Variants in WNT10A observed in about 807,000 individuals in gnomAD.
WNT10A encodes protein Wnt-10a.
WNT10A carries 37 observed loss-of-function variants against 36.1 expected under a neutral mutation model. That is an observed-to-expected ratio of 1.02 (90% confidence interval 0.79 to 1.35). WNT10A has a LOEUF of 1.35. WNT10A is among the 40% of genes most tolerant of loss of function. WNT10A has a pLI of 0.00. For missense variants in WNT10A, 613 were observed against 601.4 expected, an observed-to-expected ratio of 1.02 and a Z score of -0.20; for synonymous variants, 255 against 254.1, an observed-to-expected ratio of 1.00 and a Z score of -0.03.
chr2:218,892,670 G>T, intron 3 of WNT10A, 104 bp from the exon 4 acceptor site: 1 of 1,504,670 alleles, frequency 6.6e-7, no homozygotes, highest in South Asian at 1.2e-5. Flanking sequence ...CTCAGCGTTT[G>T]CCTCTGTATA....
At chr2:218,888,818 T>A (rs556288837) in intron 2 of WNT10A, among the ~76,000 whole-genome samples, 3 of 152,384 alleles carry the variant, frequency 2.0e-5, no homozygotes, top group Non-Finnish European at 1.5e-5. Context: ...TTACTTACTC[T>A]GCTGCCCACT....
At chr2:218,882,905 C>T (rs925029514) in intron 2 of WNT10A, among the ~76,000 whole-genome samples, 2 of 152,176 alleles carry the variant, frequency 1.3e-5, no homozygotes, top group African/African-American at 4.8e-5. Flanking sequence ...CTCTTCCCGG[C>T]GGGGGACACC....
upstream of WNT10A, among the ~76,000 whole-genome samples, chr2:218,879,593 A>G (rs1372434348): frequency 6.6e-6 from 1 of 152,114 alleles, no homozygotes; most frequent in Non-Finnish European, 1.5e-5. Context: ...CGAGAAGTAG[A>G]CCTGAGCCAG....
chr2:218,877,569 A>G (rs140665983), upstream of WNT10A, among the ~76,000 whole-genome samples: 129 of 152,232 alleles, frequency 8.5e-4, no homozygotes, highest in East Asian at 0.024. The surrounding 1 kb of genome is among the most constrained non-coding windows in gnomAD (Gnocchi z 4.1). Flanking sequence ...ATGGCAGGGG[A>G]CATGTGGAAC....
chr2:218,880,414 GGACTCGTACACGCCTCCACGCCCCGC>G (rs1559411617), upstream of WNT10A: 2 of 154,070 alleles, frequency 1.3e-5, no homozygotes, highest in African/African-American at 4.8e-5. The surrounding 1 kb of genome is among the most constrained non-coding windows in gnomAD (Gnocchi z 7.7). Flanking sequence ...AGTGGCCTCG[GGACTCGTACACGCCTCCACGCCCCGC>G]CGCGTGACGT....
Position 218,893,463 on chromosome 2 carries a change from C to G in WNT10A, c.*192C>G. The G allele has an allele frequency of 1.3e-6, 1 of 753,224 alleles. No homozygotes were observed. The highest frequency in any genetic ancestry group is 2.2e-5 in the South Asian group (1 of 44,470). 46.7% of individuals were successfully genotyped at this position (753,224 alleles called of 1,614,324 possible). ...GTCCAGGCCTGTCTGAACCCCACCA[C>G]TCACTTCTGTGGGCTCTAGGACTGA... On this transcript the variant is annotated 3_prime_UTR_variant, in exon 4 of 4. Transcript: ENST00000258411. This position sits in a 1 kb window ranked among gnomAD's most constrained non-coding sequence, Gnocchi z 6.3.
At chr2:218,891,319 G>A (rs1000503344) in intron 3 of WNT10A, among the ~76,000 whole-genome samples, 1 of 152,160 alleles carries the variant, frequency 6.6e-6, no homozygotes, top group African/African-American at 2.4e-5. Context: ...CCTTTCCTGA[G>A]CATTCCATCT....
At chr2:218,883,645 G>T (rs1467402464) in intron 2 of WNT10A, among the ~76,000 whole-genome samples, 2 of 150,658 alleles carry the variant, frequency 1.3e-5, no homozygotes, top group Admixed American at 6.6e-5. Context: ...ATGCAGCCGC[G>T]AACTAATCCC....
Position 218,880,922 on chromosome 2 carries a change from C to G in WNT10A, c.-74C>G, listed in dbSNP as rs1406098402. On this transcript the variant is annotated 5_prime_UTR_variant, in exon 1 of 4. Coordinates refer to ENST00000258411, the MANE Select transcript of WNT10A (RefSeq NM_025216.3). This position sits in a 1 kb window ranked among gnomAD's most constrained non-coding sequence, Gnocchi z 7.7. ...CCGCCCCGACCCCCCGCCGATCATG[C>G]GCCGGCGCCCCTGGCTCTCCAGTCC... is the stretch of plus-strand genomic sequence containing the variant. 2 of 1,467,936 alleles carry G rather than the reference C, an allele frequency of 1.4e-6. No homozygotes were observed. Among genetic ancestry groups the G allele is most frequent in the African/African-American group, 2.9e-5 (2 of 68,432 alleles). The allele number at this position is 1,467,936 out of a possible 1,614,324, so 90.9% of individuals were successfully genotyped here.
At position 218,893,602 on chromosome 2, in the gene WNT10A, C is replaced by A. The variant is rs574740587; in HGVS notation, c.*331C>A. 1.7e-4 allele frequency: 54 copies of A among 310,662 alleles called. No individual in the cohort carries two copies. The highest frequency in any genetic ancestry group is 1.1e-3 in the African/African-American group (53 of 46,674). The allele number at this position is 310,662 out of a possible 1,614,324, so 19.2% of individuals were successfully genotyped here. ...CCGTCAGTCTGTCTCCATCCTTTCA[C>A]CCCTTCCCTGGAGATGGGAGGTGGG... On this transcript the variant is annotated 3_prime_UTR_variant, in exon 4 of 4. Transcript: ENST00000258411. The surrounding 1 kb of genome is among the most constrained non-coding windows in gnomAD (Gnocchi z 6.3).
chr2:218,885,317 T>C (rs941839662), intron 2 of WNT10A, among the ~76,000 whole-genome samples: 1 of 152,140 alleles, frequency 6.6e-6, no homozygotes, highest in African/African-American at 2.4e-5. Context: ...AGCCCCAGCT[T>C]TTTGTGCTAA....
chr2:218,893,085 C>T lies in WNT10A; in HGVS notation c.1068C>T (p.Gly356=). 6.3e-7 allele frequency: 1 copy of T among 1,596,510 alleles called. No individual in the cohort carries two copies. Among genetic ancestry groups the T allele is most frequent in the Non-Finnish European group, 8.5e-7 (1 of 1,179,166 alleles). The change falls in exon 4 of 4, where the codon GGC becomes GGT. Residue 356 remains glycine (G), a synonymous_variant. Transcript: ENST00000258411. This position sits in a 1 kb window ranked among gnomAD's most constrained non-coding sequence, Gnocchi z 6.3. ...GCGAGCCGCGCCTGGACTCGGCGGGCACCGTGGGCCGCCTGTGCAACAAGA... is the reference window on the plus strand; with the variant it reads ...GCGAGCCGCGCCTGGACTCGGCGGGTACCGTGGGCCGCCTGTGCAACAAGA... ...CEREPRLDSA[G]TVGRLCNKSS...
chr2:218,877,912 GGGCTGGGGCTGGACTGGGCTA>G (rs1471377538), upstream of WNT10A, among the ~76,000 whole-genome samples: 1 of 152,194 alleles, frequency 6.6e-6, no homozygotes, highest in African/African-American at 2.4e-5. This position sits in a 1 kb window ranked among gnomAD's most constrained non-coding sequence, Gnocchi z 4.1. Context: ...CACCAGGACT[GGGCTGGGGCTGGACTGGGCTA>G]GGCTGGGGCT....
Position 218,893,250 on chromosome 2 carries a change from G to C in WNT10A, c.1233G>C (p.Glu411Asp). ...TCTGCGAAGAGTGCCGCATCACCGA[G>C]TGGGTCAGCGTCTGCAAGTGAGCGG... is the stretch of plus-strand genomic sequence containing the variant. ...FVVCEECRIT[E>D]WVSVCK The change falls in exon 4 of 4, where the codon GAG becomes GAC. Residue 411 changes from glutamate to aspartate, a missense_variant. Coordinates refer to ENST00000258411, the MANE Select transcript of WNT10A (RefSeq NM_025216.3). The surrounding 1 kb of genome is among the most constrained non-coding windows in gnomAD (Gnocchi z 6.3). 1 of 1,556,884 alleles carries C rather than the reference G, an allele frequency of 6.4e-7. No individual in the cohort carries two copies.
At chr2:218,879,315 GT>G (rs1407905055), upstream of WNT10A, among the ~76,000 whole-genome samples, 1 of 152,194 alleles carries the variant, frequency 6.6e-6, no homozygotes, top group Non-Finnish European at 1.5e-5. Context: ...GGCTCCCATA[GT>G]TTTGTTCCTA....
chr2:218,879,175 G>A (rs1198794763), upstream of WNT10A, among the ~76,000 whole-genome samples: 2 of 150,760 alleles, frequency 1.3e-5, no homozygotes, highest in South Asian at 2.1e-4. Context: ...GGAGTATGCC[G>A]TCAGCCTGCT....
chr2:218,882,105 T>A, intron 1 of WNT10A, 56 bp from the exon 2 acceptor site: 1 of 1,581,252 alleles, frequency 6.3e-7, no homozygotes, highest in Non-Finnish European at 8.6e-7. Context: ...TGTTGTTAGA[T>A]GGGGCTCTCC....
intron 2 of WNT10A, among the ~76,000 whole-genome samples, chr2:218,883,316 A>AT (rs2106012187): frequency 6.6e-6 from 1 of 152,138 alleles, no homozygotes; most frequent in Admixed American, 6.5e-5. Flanking sequence ...CTAGCTCCTT[A>AT]GGTCTTGTCC....
rs149865858 is a variant in WNT10A, at chr2:218,882,172, A to T, written c.125A>T (p.Asn42Ile). 7 of 1,614,010 alleles carry T rather than the reference A, an allele frequency of 4.3e-6. No individual in the cohort carries two copies. The highest frequency in any genetic ancestry group is 5.9e-6 in the Non-Finnish European group (7 of 1,179,952). Residue 42 changes from asparagine to isoleucine, a missense_variant, in exon 2 of 4, where the codon AAT becomes ATT. Transcript: ENST00000258411. Reference sequence around the variant, plus strand: ...CCATATGTCTGCAGGTCAGCACCCAATGACATTCTGGACCTCCGCCTCCCC... The same window carrying T: ...CCATATGTCTGCAGGTCAGCACCCATTGACATTCTGGACCTCCGCCTCCCC... ...LAAAMPRSAP[N>I]DILDLRLPPE...
Sources: gnomAD v4.1 joint callset for allele counts (sites outside exome capture counted in the v4.1 genomes callset) on GRCh38, gnomAD v4.1.1 for gene constraint, Gnocchi (gnomAD v3.1) non-coding constraint, MANE v1.5 for transcripts, NCBI Gene and HGNC (gene_info 2026-07-23, HGNC 2026-07-21) for gene names.